The following EXOC6B variants were observed in gnomAD, a reference collection of about 807,000 sequenced individuals.
The protein encoded by EXOC6B is SEC15 homolog B.
A neutral mutation model predicts 113.5 loss-of-function variants in EXOC6B; 54 were observed. The observed-to-expected ratio is 0.48, with a 90% CI of 0.38 to 0.60. EXOC6B has a LOEUF of 0.60. Ranked by LOEUF, EXOC6B falls within the 20% of genes least tolerant of loss-of-function variation. The pLI, the probability that EXOC6B is intolerant of heterozygous loss-of-function variation, is 0.00. For synonymous variants in EXOC6B, 357 were observed against 339.0 expected, an observed-to-expected ratio of 1.05 and a Z score of -0.58; for missense variants, 797 against 977.5, an observed-to-expected ratio of 0.82 and a Z score of 2.46.
chr2:72,696,062 A>G (rs897494031), intron 6 of EXOC6B, among the ~76,000 whole-genome samples: 3 of 152,222 alleles, frequency 2.0e-5, no homozygotes, highest in African/African-American at 7.2e-5. Flanking sequence ...CTAACATTTG[A>G]TTTTAAAATA....
At chr2:72,462,462 A>T (rs1254602457) in intron 18 of EXOC6B, 4 of 151,780 alleles carry the variant, frequency 2.6e-5, no homozygotes, top group Non-Finnish European at 5.9e-5. Flanking sequence ...CAACTTTGTT[A>T]TTTTTTTTAA....
At chr2:72,531,217 T>G (rs905201735) in intron 8 of EXOC6B, among the ~76,000 whole-genome samples, 4 of 152,164 alleles carry the variant, frequency 2.6e-5, no homozygotes, top group African/African-American at 9.7e-5. Flanking sequence ...ATTTGTAGTG[T>G]TTTCAAGTGT....
chr2:72,642,900 A>G (rs1276119522), intron 6 of EXOC6B, among the ~76,000 whole-genome samples: 1 of 148,632 alleles, frequency 6.7e-6, no homozygotes, highest in Admixed American at 6.7e-5. Flanking sequence ...TCTACAATGA[A>G]CTCAAACAAA....
chr2:72,618,090 C>T (rs1034328491), intron 6 of EXOC6B, among the ~76,000 whole-genome samples: 2 of 152,018 alleles, frequency 1.3e-5, no homozygotes, highest in Non-Finnish European at 2.9e-5. Context: ...TCCCTTCGGC[C>T]AGGTCCAATG....
At chr2:72,226,055 G>C (rs938978650) in intron 20 of EXOC6B, among the ~76,000 whole-genome samples, 2 of 152,016 alleles carry the variant, frequency 1.3e-5, no homozygotes, top group African/African-American at 4.8e-5. Context: ...ACTAGAAATC[G>C]AATGTAAAAC....
chr2:72,406,829 C>G (rs1693804969), intron 18 of EXOC6B, among the ~76,000 whole-genome samples: 1 of 152,010 alleles, frequency 6.6e-6, no homozygotes, highest in Non-Finnish European at 1.5e-5. Context: ...CAAAAGCTAG[C>G]AGAAGGCAAG....
intron 15 of EXOC6B, among the ~76,000 whole-genome samples, chr2:72,492,870 T>C (rs1484411100): frequency 6.6e-6 from 1 of 152,174 alleles, no homozygotes; most frequent in East Asian, 1.9e-4. Context: ...TGTTTGTTTC[T>C]TGTTGTTGCT....
At chr2:72,585,949 C>G (rs1705540626) in intron 6 of EXOC6B, among the ~76,000 whole-genome samples, 1 of 152,108 alleles carries the variant, frequency 6.6e-6, no homozygotes, top group Admixed American at 6.5e-5. Flanking sequence ...TAAAGCCACA[C>G]ACCTACAACC....
At chr2:72,565,182 T>C (rs1389914178) in intron 7 of EXOC6B, among the ~76,000 whole-genome samples, 1 of 151,708 alleles carries the variant, frequency 6.6e-6, no homozygotes, top group Non-Finnish European at 1.5e-5. Context: ...GAAACCCATC[T>C]CTACAAAAAA....
intron 18 of EXOC6B, among the ~76,000 whole-genome samples, chr2:72,430,820 T>G (rs1403199917): frequency 6.6e-6 from 1 of 152,200 alleles, no homozygotes; most frequent in Non-Finnish European, 1.5e-5. Flanking sequence ...TGTCACTATT[T>G]TGGTTAAGCT....
At chr2:72,182,540 G>A (rs547527660) in intron 21 of EXOC6B, among the ~76,000 whole-genome samples, 162 of 152,146 alleles carry the variant, frequency 1.1e-3, no homozygotes, top group African/African-American at 3.9e-3. Context: ...AAGAGGTAGG[G>A]GAGGCTGCTG....
chr2:72,625,824 C>T (rs1672017379), intron 6 of EXOC6B, among the ~76,000 whole-genome samples: 1 of 152,178 alleles, frequency 6.6e-6, no homozygotes, highest in African/African-American at 2.4e-5. Context: ...CAGGAATATC[C>T]TCACCTCCAA....
At chr2:72,202,394 T>C (rs1202675409) in intron 20 of EXOC6B, among the ~76,000 whole-genome samples, 1 of 152,234 alleles carries the variant, frequency 6.6e-6, no homozygotes, top group African/African-American at 2.4e-5. Context: ...TGCTTCAATG[T>C]AATATAGACA....
intron 18 of EXOC6B, among the ~76,000 whole-genome samples, chr2:72,434,691 G>A (rs560534049): frequency 1.2e-4 from 18 of 152,180 alleles, no homozygotes; most frequent in East Asian, 7.7e-4. Context: ...GTTTATTTGC[G>A]TAGAGGTGTT....
At chr2:72,415,361 AT>A (rs1694457503) in intron 18 of EXOC6B, among the ~76,000 whole-genome samples, 1 of 152,030 alleles carries the variant, frequency 6.6e-6, no homozygotes, top group Non-Finnish European at 1.5e-5. Flanking sequence ...AAATACAGTG[AT>A]TAAAGGCTGA....
At chr2:72,644,593 A>G (rs968416175) in intron 6 of EXOC6B, among the ~76,000 whole-genome samples, 20 of 152,228 alleles carry the variant, frequency 1.3e-4, no homozygotes, top group African/African-American at 4.3e-4. Flanking sequence ...GGATCTCTCG[A>G]CAGAAACTCT....
chr2:72,313,782 A>T (rs958474573), intron 20 of EXOC6B, among the ~76,000 whole-genome samples: 11 of 152,358 alleles, frequency 7.2e-5, no homozygotes, highest in African/African-American at 2.6e-4. Context: ...GAAATTTTTA[A>T]AAAAATCACA....
At chr2:72,801,874 G>T (rs983051309) in intron 1 of EXOC6B, among the ~76,000 whole-genome samples, 3 of 152,226 alleles carry the variant, frequency 2.0e-5, no homozygotes, top group African/African-American at 7.2e-5. Context: ...TAGGCAAAGT[G>T]CAGGCACTGT....
At chr2:72,774,214 T>C (rs1195866635) in intron 1 of EXOC6B, among the ~76,000 whole-genome samples, 1 of 152,162 alleles carries the variant, frequency 6.6e-6, no homozygotes, top group Non-Finnish European at 1.5e-5. Context: ...TGGCAATCTT[T>C]GGAAGGGCAA....
Sources: gnomAD v4.1 joint callset for allele counts (sites outside exome capture counted in the v4.1 genomes callset) on GRCh38, gnomAD v4.1.1 for gene constraint, MANE v1.5 for transcripts, NCBI Gene and HGNC (gene_info 2026-07-23, HGNC 2026-07-21) for gene names.